GALNTL5: variants seen among roughly 807,000 people sequenced by gnomAD.
GALNTL5 encodes the protein inactive polypeptide N-acetylgalactosaminyltransferase-like protein 5.
In GALNTL5, 44 loss-of-function variants were observed where a neutral mutation model predicts 51.0. That is an observed-to-expected ratio of 0.86 (90% CI 0.68 to 1.11). The LOEUF is 1.11. Among genes scored for constraint, GALNTL5 ranks in the 50% least tolerant of loss-of-function variants. GALNTL5 has a pLI of 0.00. For missense variants in GALNTL5, 528 were observed against 531.8 expected (o/e 0.99, Z 0.07); for synonymous variants, 192 against 182.8 (o/e 1.05, Z -0.41).
intron 6 of GALNTL5, among the ~76,000 whole-genome samples, chr7:152,003,639 G>A (rs902629154): frequency 3.3e-5 from 5 of 152,158 alleles, no homozygotes; most frequent in Admixed American, 3.3e-4. Flanking sequence ...TTGGAACAAA[G>A]AGGAACAAAA....
chr7:151,997,069 G>C (rs755512997), intron 5 of GALNTL5, among the ~76,000 whole-genome samples: 2 of 152,158 alleles, frequency 1.3e-5, no homozygotes, highest in African/African-American at 4.8e-5. Context: ...AATAGACTAC[G>C]ACAGGAGAGC....
At chr7:151,976,014 T>C (rs1179197434) in intron 3 of GALNTL5, among the ~76,000 whole-genome samples, 1 of 152,208 alleles carries the variant, frequency 6.6e-6, no homozygotes, top group African/African-American at 2.4e-5. Flanking sequence ...GGATATTCCA[T>C]GTGCCTCAGA....
rs377470395 is a variant in GALNTL5 at position 151,989,480 on chromosome 7, A to T, written c.658+2199A>T. ...TATGGATTTTATAATTGATTTTCAT[A>T]ACTTGTTTAGCCATTTCTGAATAGG... On this transcript the variant is annotated intron_variant, in intron 5 of 8. Transcript: ENST00000392800. Among the ~76,000 whole-genome samples the T allele has an allele frequency of 3.9e-5, 6 of 152,304 alleles. No individual in the cohort carries two copies. In the East Asian group the frequency reaches 9.6e-4, roughly 24 times the overall value.
At chr7:152,006,912 C>T (rs1384817484) in intron 6 of GALNTL5, among the ~76,000 whole-genome samples, 4 of 152,034 alleles carry the variant, frequency 2.6e-5, no homozygotes, top group South Asian at 2.1e-4. Context: ...GGATTACAGG[C>T]GCGGGCAACT....
chr7:151,981,724 C>G (rs997842162), intron 3 of GALNTL5, among the ~76,000 whole-genome samples: 7 of 141,356 alleles, frequency 5.0e-5, no homozygotes, highest in African/African-American at 1.6e-4. Flanking sequence ...TCTTGGCTCA[C>G]TACAACTTCT....
intron 4 of GALNTL5, among the ~76,000 whole-genome samples, chr7:151,985,551 G>T (rs1316450869): frequency 6.6e-6 from 1 of 152,150 alleles, no homozygotes; most frequent in Non-Finnish European, 1.5e-5. Flanking sequence ...TCCTCAGCTT[G>T]GGGGAGCAGG....
chr7:152,005,244 G>C (rs975027723), intron 6 of GALNTL5, among the ~76,000 whole-genome samples: 15 of 152,016 alleles, frequency 9.9e-5, no homozygotes, highest in African/African-American at 3.6e-4. Context: ...CACACAAAAA[G>C]CAAAATCATG....
chr7:151,981,933 C>G (rs931009752), intron 3 of GALNTL5, among the ~76,000 whole-genome samples: 9 of 151,308 alleles, frequency 5.9e-5, no homozygotes, highest in Admixed American at 1.3e-4. Flanking sequence ...CAGACATGAG[C>G]CACTGTGCCA....
intron 1 of GALNTL5, among the ~76,000 whole-genome samples, chr7:151,957,154 A>G (rs2151934222): frequency 6.6e-6 from 1 of 150,618 alleles, no homozygotes; most frequent in East Asian, 1.9e-4. Flanking sequence ...AAAAAAAAAA[A>G]AAAAAGGAAA....
At chr7:151,970,666 A>C (rs1381344692) in intron 2 of GALNTL5, 2 of 234,728 alleles carry the variant, frequency 8.5e-6, no homozygotes, top group South Asian at 9.7e-5. Flanking sequence ...GGCCCCCACC[A>C]GGAGCAGATG....
At chr7:151,991,370 C>T (rs1430335293) in intron 5 of GALNTL5, among the ~76,000 whole-genome samples, 3 of 152,264 alleles carry the variant, frequency 2.0e-5, no homozygotes, top group Non-Finnish European at 2.9e-5. Flanking sequence ...GGATTACAGG[C>T]GTGAGCCACT....
At position 152,016,174 on chromosome 7, in the gene GALNTL5, G is replaced by A. The variant is rs10233109; in HGVS notation, c.1176+1381G>A. On this transcript the variant is annotated intron_variant, in intron 8 of 8. Transcript: ENST00000392800. Reference sequence around the variant, plus strand: ...TAATCTAAGCACTTGGGAGGCCGAGGCAGGCAGATCACCTGAGGTTGGGAG... The same window carrying A: ...TAATCTAAGCACTTGGGAGGCCGAGACAGGCAGATCACCTGAGGTTGGGAG... 8.8e-3 allele frequency among the ~76,000 whole-genome samples: 1,341 copies of A among 152,238 alleles called. 20 individuals are homozygous for A. Among genetic ancestry groups the A allele is most frequent in the African/African-American group, 0.031 (1,292 of 41,550 alleles).
At chr7:151,973,373 G>A (rs1366479858) in intron 3 of GALNTL5, among the ~76,000 whole-genome samples, 3 of 152,024 alleles carry the variant, frequency 2.0e-5, no homozygotes, top group Non-Finnish European at 4.4e-5. Flanking sequence ...GCTGAGGCAG[G>A]AGAATTGTTT....
chr7:152,008,807 C>A lies in GALNTL5; in HGVS notation c.1026+863C>A, dbSNP rs113051260. Reference sequence around the variant, plus strand: ...TTTGGACGTAGGCATTATTTTATAACGCTCATGCCTTTGGCGCATTTTATT... The same window carrying A: ...TTTGGACGTAGGCATTATTTTATAAAGCTCATGCCTTTGGCGCATTTTATT... On this transcript the variant is annotated intron_variant, in intron 7 of 8. Transcript: ENST00000392800. Among the ~76,000 whole-genome samples the A allele has an allele frequency of 2.5e-3, 377 of 152,016 alleles. 1 individual carries two copies. Among genetic ancestry groups the A allele is most frequent in the African/African-American group, 8.7e-3 (362 of 41,462 alleles).
At chr7:152,013,557 C>T (rs2151961685) in intron 7 of GALNTL5, among the ~76,000 whole-genome samples, 1 of 152,190 alleles carries the variant, frequency 6.6e-6, no homozygotes, top group East Asian at 1.9e-4. Flanking sequence ...GAGCTACTCA[C>T]AGAGTGGTTA....
rs536081062 is a variant in GALNTL5, at chr7:151,992,741, C to G, written c.658+5460C>G. Among the ~76,000 whole-genome samples, 75 of 152,252 alleles carry G rather than the reference C, an allele frequency of 4.9e-4. No individual in the cohort carries two copies. In the South Asian group the frequency reaches 0.015, roughly 31 times the overall value. On this transcript the variant is annotated intron_variant, in intron 5 of 8. Coordinates refer to ENST00000392800, the MANE Select transcript of GALNTL5 (RefSeq NM_145292.4). ...TCGTTTTGGGGAACACAGTTCAACC[C>G]GTAGCACTACGGTCTGGATTGTTTT...
chr7:151,978,955 A>C (rs892462046), intron 3 of GALNTL5, among the ~76,000 whole-genome samples: 15 of 152,116 alleles, frequency 9.9e-5, no homozygotes, highest in African/African-American at 3.4e-4. Context: ...GAACTTCACT[A>C]TATGAATTTT....
chr7:151,994,501 T>C (rs1313958325), intron 5 of GALNTL5, among the ~76,000 whole-genome samples: 3 of 151,778 alleles, frequency 2.0e-5, no homozygotes, highest in African/African-American at 7.3e-5. Context: ...CCCTGACCTT[T>C]CCCTTCCTTC....
chr7:151,971,025 T>A lies in GALNTL5; in HGVS notation c.328T>A (p.Leu110Met), dbSNP rs762554504. Residue 110 changes from leucine (L) to methionine (M), a missense_variant, in exon 3 of 9, where the codon TTG becomes ATG. Transcript: ENST00000392800. ...ATTTAATGTGATTATCAGTAGAAGC[T>A]TGGGCATCGAAAGAGAAGTGCCAGA... ...YGFNVIISRS[L>M]GIEREVPDTR... 1.2e-6 allele frequency: 2 copies of A among 1,611,744 alleles called. No homozygotes were observed. Among genetic ancestry groups the A allele is most frequent in the Admixed American group, 3.3e-5 (2 of 59,918 alleles).
Sources: allele counts gnomAD v4.1 joint callset (sites outside exome capture counted in the v4.1 genomes callset), GRCh38; gene constraint gnomAD v4.1.1; transcripts MANE v1.5; gene names NCBI Gene and HGNC (gene_info 2026-07-23, HGNC 2026-07-21).